Variants in TGM3 observed in about 807,000 individuals in gnomAD.
The protein encoded by TGM3 is transglutaminase 3, also known as protein-glutamine gamma-glutamyltransferase E.
In TGM3, 52 loss-of-function variants were observed where a neutral mutation model predicts 73.8. The ratio of observed to expected loss-of-function variants is 0.70; its 90% confidence interval spans 0.56 to 0.89. The LOEUF is 0.89. Among genes scored for constraint, TGM3 ranks in the 40% least tolerant of loss-of-function variants. The probability of loss-of-function intolerance (pLI) is 0.00; values close to 1 mark genes in which losing one functional copy is unlikely to be tolerated. For synonymous variants in TGM3, 372 were observed against 354.9 expected, an observed-to-expected ratio of 1.05 and a Z score of -0.54; for missense variants, 928 against 909.9, an observed-to-expected ratio of 1.02 and a Z score of -0.26.
intron 9 of TGM3, among the ~76,000 whole-genome samples, chr20:2,329,442 G>C (rs905980555): frequency 6.6e-6 from 1 of 152,180 alleles, no homozygotes; most frequent in Non-Finnish European, 1.5e-5. Flanking sequence ...TTTGGCCCCA[G>C]TCTTCCTCTG....
Position 2,335,102 on chromosome 20 carries a change from G to A in TGM3, c.1643-14G>A. On this transcript the variant is annotated splice_polypyrimidine_tract_variant and intron_variant, in intron 10 of 12. Coordinates refer to ENST00000381458, the MANE Select transcript of TGM3 (RefSeq NM_003245.4). ...CACTCCCCCTCACTCGGATCCCCTG[G>A]CTTCTCCTTCCAGAGGCAGAACATC... The A allele has an allele frequency of 6.2e-7, 1 of 1,614,090 alleles. No homozygotes were observed. The highest frequency in any genetic ancestry group is 8.5e-7 in the Non-Finnish European group (1 of 1,179,932).
chr20:2,334,095 G>C lies in TGM3; in HGVS notation c.1643-1021G>C, dbSNP rs550372038. On this transcript the variant is annotated intron_variant, in intron 10 of 12. Coordinates refer to ENST00000381458, the MANE Select transcript of TGM3 (RefSeq NM_003245.4). This position sits in a 1 kb window ranked among gnomAD's most constrained non-coding sequence, Gnocchi z 4.0. ...GAGCACCTAAGCCCATCAGGGTAGGGAAAGGGCCCCGCGGCCCACAGGGTC... is the reference window on the plus strand; with the variant it reads ...GAGCACCTAAGCCCATCAGGGTAGGCAAAGGGCCCCGCGGCCCACAGGGTC... Among the ~76,000 whole-genome samples, 1 of 152,358 alleles carries C rather than the reference G, an allele frequency of 6.6e-6. No homozygotes were observed. The highest frequency in any genetic ancestry group is 1.9e-4 in the East Asian group (1 of 5,178).
rs1166977903 is a variant in TGM3 at position 2,328,845 on chromosome 20, C to G, written c.1333+480C>G. On this transcript the variant is annotated intron_variant, in intron 9 of 12. Transcript: ENST00000381458. The surrounding 1 kb of genome is among the most constrained non-coding windows in gnomAD (Gnocchi z 5.2). Reference sequence around the variant, plus strand: ...TTGCACTGTGCACATTTGGAGGTCTCCCAAGAAGCCAGATGAGGTGTGATT... The same window carrying G: ...TTGCACTGTGCACATTTGGAGGTCTGCCAAGAAGCCAGATGAGGTGTGATT... Among the ~76,000 whole-genome samples the G allele has an allele frequency of 2.6e-5, 4 of 152,206 alleles. No individual in the cohort carries two copies. The highest frequency in any genetic ancestry group is 5.9e-5 in the Non-Finnish European group (4 of 68,032).
At chr20:2,303,778 T>G (rs1402225371) in intron 1 of TGM3, among the ~76,000 whole-genome samples, 2 of 151,418 alleles carry the variant, frequency 1.3e-5, no homozygotes, top group Non-Finnish European at 3.0e-5. Flanking sequence ...GAATTGCTGC[T>G]GGCACTGATG....
intron 11 of TGM3, among the ~76,000 whole-genome samples, chr20:2,337,414 G>A (rs2084356243): frequency 6.6e-6 from 1 of 152,158 alleles, no homozygotes; most frequent in Admixed American, 6.5e-5. Context: ...AAAGTGATCA[G>A]TGTTTAAAAG....
In TGM3 at chr20:2,325,457, G is replaced by A. The variant is rs2084281595; in HGVS notation, c.984-392G>A. Among the ~76,000 whole-genome samples, 5 of 152,222 alleles carry A rather than the reference G, an allele frequency of 3.3e-5. No individual in the cohort carries two copies. The South Asian group carries it at 1.0e-3, about 32-fold the overall frequency. On this transcript the variant is annotated intron_variant, in intron 7 of 12. Coordinates refer to ENST00000381458, the MANE Select transcript of TGM3 (RefSeq NM_003245.4). ...GCACAGAAGCATACCCCGCCAGGCA[G>A]AGGGAGAAAGCTGTGTGGGTTTGCC...
chr20:2,313,843 A>G (rs899726666), intron 5 of TGM3, among the ~76,000 whole-genome samples: 3 of 152,138 alleles, frequency 2.0e-5, no homozygotes, highest in African/African-American at 7.2e-5. Context: ...AGCCTGGGTA[A>G]CGTAGTGAGA....
chr20:2,324,084 T>C (rs1051535204), intron 7 of TGM3, among the ~76,000 whole-genome samples: 18 of 152,204 alleles, frequency 1.2e-4, no homozygotes, highest in African/African-American at 3.1e-4. Flanking sequence ...TGCCTTCAAA[T>C]TGGATAATTT....
intron 11 of TGM3, among the ~76,000 whole-genome samples, chr20:2,338,064 C>T (rs560776231): frequency 9.4e-5 from 13 of 138,580 alleles, no homozygotes; most frequent in African/African-American, 3.3e-4. Context: ...CTAGCTCACT[C>T]AGAGCAGGGC....
At chr20:2,304,249 C>T (rs1199717381) in intron 1 of TGM3, among the ~76,000 whole-genome samples, 2 of 152,112 alleles carry the variant, frequency 1.3e-5, no homozygotes, top group African/African-American at 4.8e-5. Context: ...ATCATTGGAT[C>T]CTTGAATTGG....
At chr20:2,301,228 T>A (rs1254183342) in intron 1 of TGM3, among the ~76,000 whole-genome samples, 1 of 151,526 alleles carries the variant, frequency 6.6e-6, no homozygotes, top group African/African-American at 2.4e-5. Context: ...AAAGCACGTG[T>A]GTCCTTGGAG....
intron 1 of TGM3, among the ~76,000 whole-genome samples, chr20:2,301,068 C>T (rs372060957): frequency 8.8e-4 from 134 of 152,150 alleles, no homozygotes; most frequent in African/African-American, 2.9e-3. Flanking sequence ...TCTCTTCATC[C>T]TCACCAGCCC....
Position 2,328,786 on chromosome 20 carries a change from G to T in TGM3, c.1333+421G>T, listed in dbSNP as rs557559714. ...AACTCAGGGAGAAAACCATCTGAAC[G>T]AAGAAAGGGACAAAGAAACCCAGAG... is the stretch of plus-strand genomic sequence containing the variant. On this transcript the variant is annotated intron_variant, in intron 9 of 12. Transcript: ENST00000381458. The surrounding 1 kb of genome is among the most constrained non-coding windows in gnomAD (Gnocchi z 5.2). 6.6e-6 allele frequency among the ~76,000 whole-genome samples: 1 copy of T among 152,226 alleles called. No homozygotes were observed. Among genetic ancestry groups the T allele is most frequent in the Non-Finnish European group, 1.5e-5 (1 of 68,040 alleles).
At position 2,332,688 on chromosome 20, in the gene TGM3, T is replaced by C. The variant is rs2084328036; in HGVS notation, c.1642+378T>C. Among the ~76,000 whole-genome samples, 1 of 152,200 alleles carries C rather than the reference T, an allele frequency of 6.6e-6. No homozygotes were observed. The highest frequency in any genetic ancestry group is 2.1e-4 in the South Asian group (1 of 4,832). ...AGAAAGTGAGGCTGGGAGAGATTTG[T>C]GACTTGCTTCGGAGATAAAGTATCA... On this transcript the variant is annotated intron_variant, in intron 10 of 12. Transcript: ENST00000381458. This position sits in a 1 kb window ranked among gnomAD's most constrained non-coding sequence, Gnocchi z 4.4.
intron 1 of TGM3, among the ~76,000 whole-genome samples, chr20:2,305,235 G>A (rs1431904616): frequency 1.4e-5 from 1 of 71,868 alleles, no homozygotes; most frequent in Non-Finnish European, 3.7e-5. Context: ...GCATAAGGCT[G>A]AAAGTCCCAA....
chr20:2,338,043 C>T (rs187491385), intron 11 of TGM3, among the ~76,000 whole-genome samples: 3 of 151,350 alleles, frequency 2.0e-5, no homozygotes, highest in East Asian at 2.0e-4. Flanking sequence ...CTCTATTGAA[C>T]GGATCAATGC....
At chr20:2,306,875 A>G (rs1326842720) in intron 1 of TGM3, among the ~76,000 whole-genome samples, 2 of 152,108 alleles carry the variant, frequency 1.3e-5, no homozygotes, top group African/African-American at 2.4e-5. Flanking sequence ...GAGAGGGGAG[A>G]AAGTTGGGGG....
chr20:2,313,702 G>T (rs1273235295), intron 5 of TGM3, among the ~76,000 whole-genome samples: 1 of 152,076 alleles, frequency 6.6e-6, no homozygotes, highest in Admixed American at 6.6e-5. Context: ...CCCCTAGAAG[G>T]CATCTATGGC....
intron 11 of TGM3, among the ~76,000 whole-genome samples, chr20:2,339,173 C>T (rs948188263): frequency 1.3e-5 from 2 of 152,146 alleles, no homozygotes; most frequent in African/African-American, 4.8e-5. Context: ...TGGGGGGACC[C>T]AACCCCTGGA....
Sources: gnomAD v4.1 joint callset for allele counts (sites outside exome capture counted in the v4.1 genomes callset) on GRCh38, gnomAD v4.1.1 for gene constraint, Gnocchi (gnomAD v3.1) non-coding constraint, MANE v1.5 for transcripts, NCBI Gene and HGNC (gene_info 2026-07-23, HGNC 2026-07-21) for gene names.